The following TRAK1 variants were observed in gnomAD, a reference collection of about 807,000 sequenced individuals.
TRAK1 encodes the protein trafficking kinesin protein 1.
In TRAK1, 33 loss-of-function variants were observed where a neutral mutation model predicts 92.1. The ratio of observed to expected loss-of-function variants is 0.36; its 90% CI spans 0.27 to 0.48. The LOEUF (loss-of-function observed/expected upper bound fraction) is 0.48. Ranked by LOEUF, TRAK1 falls within the 20% of genes least tolerant of loss-of-function variation. The pLI is 0.99. For missense variants in TRAK1, 1,123 were observed against 1,257.9 expected, an observed-to-expected ratio of 0.89 and a Z score of 1.62; for synonymous variants, 521 against 517.3, an observed-to-expected ratio of 1.01 and a Z score of -0.10.
rs549417119 is a variant in TRAK1, at chr3:42,178,841, G to A, written c.363+1951G>A. ...AATACAAAAATTAGCCAGGTATGGT[G>A]GCCTGTGCCTGTAATCCCAGCTACT... On this transcript the variant is annotated intron_variant, in intron 3 of 15. Transcript: ENST00000327628. 2.0e-5 allele frequency among the ~76,000 whole-genome samples: 3 copies of A among 152,170 alleles called. No homozygotes were observed. The South Asian group carries it at 6.2e-4, about 32-fold the overall frequency.
chr3:42,166,923 C>T (rs762339134), intron 2 of TRAK1, among the ~76,000 whole-genome samples: 6 of 152,232 alleles, frequency 3.9e-5, no homozygotes, highest in Non-Finnish European at 7.3e-5. Context: ...CTGGGTCGGT[C>T]TCTGCCCCCA....
intron 2 of TRAK1, among the ~76,000 whole-genome samples, chr3:42,153,274 T>C (rs1427066323): frequency 1.3e-5 from 2 of 152,010 alleles, no homozygotes; most frequent in Non-Finnish European, 2.9e-5. Context: ...TGTGGTGGCA[T>C]GCGCCTATAG....
chr3:42,055,915 TA>T (rs145448124), intron 1 of TRAK1, among the ~76,000 whole-genome samples: 8,385 of 152,280 alleles, frequency 0.055, 751 homozygotes, highest in African/African-American at 0.18. Context: ...ACATTTGTTA[TA>T]CATGGAATCA....
At chr3:42,124,639 G>A (rs1036824323) in intron 1 of TRAK1, among the ~76,000 whole-genome samples, 5 of 152,204 alleles carry the variant, frequency 3.3e-5, no homozygotes, top group Admixed American at 2.0e-4. Context: ...GGGTAGCTGT[G>A]TATGGAAGTT....
At chr3:42,062,056 G>C (rs1280050527) in intron 1 of TRAK1, among the ~76,000 whole-genome samples, 1 of 152,218 alleles carries the variant, frequency 6.6e-6, no homozygotes, top group East Asian at 1.9e-4. Context: ...CATTGAAATT[G>C]CAAGAGGAGT....
At chr3:42,142,090 C>A (rs1698737068) in intron 2 of TRAK1, among the ~76,000 whole-genome samples, 1 of 152,118 alleles carries the variant, frequency 6.6e-6, no homozygotes, top group East Asian at 1.9e-4. Context: ...TGAGATTGCG[C>A]CACTGCACTC....
At chr3:42,194,685 G>A (rs1576932850) in intron 9 of TRAK1, 119 bp from the exon 10 acceptor site, 1 of 1,240,036 alleles carries the variant, frequency 8.1e-7, no homozygotes, top group Non-Finnish European at 1.1e-6. Context: ...CAGGGCAGCT[G>A]GTTCCACACG....
At chr3:42,064,431 GAAATA>G (rs1271546927) in intron 1 of TRAK1, among the ~76,000 whole-genome samples, 5 of 151,172 alleles carry the variant, frequency 3.3e-5, no homozygotes, top group Admixed American at 1.3e-4. Flanking sequence ...GGAAGATTAA[GAAATA>G]AAATAAATTT....
intron 14 of TRAK1, chr3:42,217,220 CT>C: frequency 1.0e-6 from 1 of 984,706 alleles, no homozygotes; most frequent in Non-Finnish European, 1.2e-6. Flanking sequence ...GGGTGACTCA[CT>C]GTCTCTCTGT....
At chr3:42,041,303 G>T (rs895982647) in intron 1 of TRAK1, among the ~76,000 whole-genome samples, 3 of 151,854 alleles carry the variant, frequency 2.0e-5, no homozygotes, top group East Asian at 1.9e-4. Context: ...CATTGTTTGT[G>T]GTTTTAGGTT....
chr3:42,092,932 T>C (rs1705324822), intron 1 of TRAK1, among the ~76,000 whole-genome samples: 1 of 152,178 alleles, frequency 6.6e-6, no homozygotes, highest in Non-Finnish European at 1.5e-5. Context: ...TAAAACTTGA[T>C]GTCTTATCCT....
intron 2 of TRAK1, among the ~76,000 whole-genome samples, chr3:42,139,036 G>A (rs1171012276): frequency 1.3e-5 from 2 of 151,908 alleles, no homozygotes; most frequent in Admixed American, 6.6e-5. Context: ...GGGTGGAGTA[G>A]GGGTTGTGCT....
intron 1 of TRAK1, among the ~76,000 whole-genome samples, chr3:42,078,408 C>T (rs895674885): frequency 7.2e-5 from 11 of 152,060 alleles, no homozygotes; most frequent in African/African-American, 2.2e-4. Context: ...AAGTGGGCAC[C>T]GTGTTTTGAG....
chr3:42,213,024 C>T (rs1393551361), intron 14 of TRAK1, among the ~76,000 whole-genome samples: 3 of 150,912 alleles, frequency 2.0e-5, no homozygotes, highest in African/African-American at 7.3e-5. Context: ...AGTGGCCCTG[C>T]AGTAGAACCA....
At chr3:42,170,222 A>C (rs1023080111) in intron 2 of TRAK1, among the ~76,000 whole-genome samples, 1 of 152,240 alleles carries the variant, frequency 6.6e-6, no homozygotes, top group African/African-American at 2.4e-5. Flanking sequence ...TTCAAAAGCT[A>C]CAAGCTTTTA....
intron 9 of TRAK1, 126 bp downstream of exon 9, chr3:42,194,024 T>C: frequency 1.1e-6 from 1 of 925,010 alleles, no homozygotes. Context: ...TTCATTTTTA[T>C]TCGTGGGAGA....
intron 1 of TRAK1, among the ~76,000 whole-genome samples, chr3:42,045,657 G>A (rs995089932): frequency 5.4e-4 from 82 of 152,334 alleles, no homozygotes; most frequent in African/African-American, 1.8e-3. Flanking sequence ...TGGCTGCTGA[G>A]TACACCTTGT....
At chr3:42,135,915 C>T (rs1979789) in intron 2 of TRAK1, among the ~76,000 whole-genome samples, 73,882 of 151,846 alleles carry the variant, frequency 0.49, 18,241 homozygotes, top group South Asian at 0.6. Context: ...CGTGTGCTTG[C>T]CATCCTCACA....
At chr3:42,222,446 A>G (rs898748542) in intron 15 of TRAK1, among the ~76,000 whole-genome samples, 6 of 152,130 alleles carry the variant, frequency 3.9e-5, no homozygotes, top group South Asian at 2.1e-4. Flanking sequence ...TACCCTTCCT[A>G]AGATAAGGAG....
Sources: allele counts gnomAD v4.1 joint callset (sites outside exome capture counted in the v4.1 genomes callset), GRCh38; gene constraint gnomAD v4.1.1; transcripts MANE v1.5; gene names NCBI Gene and HGNC (gene_info 2026-07-23, HGNC 2026-07-21).